Variants in PLEKHG1 observed in about 807,000 individuals in gnomAD.
The protein encoded by PLEKHG1 is pleckstrin homology and RhoGEF domain containing G1.
A neutral mutation model predicts 100.8 loss-of-function variants in PLEKHG1; 44 were observed. The observed-to-expected ratio is 0.44, with a 90% CI of 0.34 to 0.56. The LOEUF is 0.56. PLEKHG1 is among the 20% of genes least tolerant of loss of function. The pLI is 0.01. For missense variants in PLEKHG1, 1,545 were observed against 1,720.9 expected, an observed-to-expected ratio of 0.90 and a Z score of 1.81; for synonymous variants, 640 against 662.5, an observed-to-expected ratio of 0.97 and a Z score of 0.52.
rs1026925396 is a variant in PLEKHG1 at position 150,807,905 on chromosome 6, G to C, written c.913-1200G>C. Among the ~76,000 whole-genome samples the C allele has an allele frequency of 5.3e-5, 8 of 152,102 alleles. No homozygotes were observed. In the East Asian group the frequency reaches 1.2e-3, roughly 22 times the overall value. On this transcript the variant is annotated intron_variant, in intron 7 of 15. Transcript: ENST00000358517. ...AATCGCTTGAACCCAGGAGGGAGAG[G>C]TTGCAGTGAGCCGAGATTGTGCCAC...
chr6:150,697,108 A>AAAAG (rs71270304), intron 3 of PLEKHG1, among the ~76,000 whole-genome samples: 13 of 147,228 alleles, frequency 8.8e-5, no homozygotes, highest in East Asian at 2.0e-4. Context: ...AGAAAAAAAA[A>AAAAG]AAGAAGAAGA....
intron 3 of PLEKHG1, among the ~76,000 whole-genome samples, chr6:150,667,729 GA>G (rs1779450949): frequency 6.6e-6 from 1 of 152,178 alleles, no homozygotes; most frequent in African/African-American, 2.4e-5. Context: ...TATGCTGCTA[GA>G]GAACTTTTAG....
chr6:150,635,056 AC>A (rs1246842985), intron 1 of PLEKHG1, among the ~76,000 whole-genome samples: 1 of 152,236 alleles, frequency 6.6e-6, no homozygotes, highest in Non-Finnish European at 1.5e-5. Flanking sequence ...TAGAGCTATC[AC>A]CAGGAACCAA....
rs533287856 is a variant in PLEKHG1 at position 150,665,205 on chromosome 6, A to G, written c.-99+14419A>G. ...ACAATCTGTTTGCAGGTTGCAAGTTACTTAAATAAATTATCGCTCTTCTTG... is the reference window on the plus strand; with the variant it reads ...ACAATCTGTTTGCAGGTTGCAAGTTGCTTAAATAAATTATCGCTCTTCTTG... On this transcript the variant is annotated intron_variant, in intron 3 of 3. Transcript: ENST00000367326. Among the ~76,000 whole-genome samples, 27 of 152,206 alleles carry G rather than the reference A, an allele frequency of 1.8e-4. 1 individual carries two copies. The highest frequency in any genetic ancestry group is 2.8e-4 in the Non-Finnish European group (19 of 68,034).
In PLEKHG1 at chr6:150,821,187, T is replaced by C. The variant is rs1297469485; in HGVS notation, c.1409-8T>C. The C allele has an allele frequency of 6.2e-7, 1 of 1,611,884 alleles. No individual in the cohort carries two copies. Among genetic ancestry groups the C allele is most frequent in the Non-Finnish European group, 8.5e-7 (1 of 1,178,416 alleles). The stretch of plus-strand genomic sequence containing the variant: ...TGCCAATGATGCTGGCTTTGTTTTG[T>C]CTCCCAGAACCTTCCTCACGGTCAC... On this transcript the variant is annotated splice_polypyrimidine_tract_variant and splice_region_variant and intron_variant, in intron 12 of 15. Transcript: ENST00000358517.
chr6:150,640,476 C>G (rs966058058), intron 2 of PLEKHG1, among the ~76,000 whole-genome samples: 4 of 152,144 alleles, frequency 2.6e-5, no homozygotes, highest in African/African-American at 9.7e-5. Flanking sequence ...CTCATTCTTC[C>G]TGTATTTTCA....
intron 3 of PLEKHG1, among the ~76,000 whole-genome samples, chr6:150,714,029 T>A (rs1313270005): frequency 6.6e-6 from 1 of 152,248 alleles, no homozygotes; most frequent in Admixed American, 6.5e-5. Context: ...TTTCTTCCAG[T>A]ACATTTTTTA....
chr6:150,802,460 G>T (rs1333915763), intron 6 of PLEKHG1, among the ~76,000 whole-genome samples: 3 of 141,220 alleles, frequency 2.1e-5, no homozygotes, highest in African/African-American at 5.6e-5. Flanking sequence ...GAAAGTTTAA[G>T]ATCTCGGTTA....
intron 2 of PLEKHG1, among the ~76,000 whole-genome samples, chr6:150,759,641 G>A (rs781234319): frequency 3.3e-5 from 5 of 152,044 alleles, no homozygotes; most frequent in African/African-American, 4.8e-5. Context: ...CTAGGGTTGC[G>A]GTGAAGATGA....
At chr6:150,765,765 G>T (rs183540306) in intron 2 of PLEKHG1, among the ~76,000 whole-genome samples, 3 of 152,190 alleles carry the variant, frequency 2.0e-5, no homozygotes, top group African/African-American at 7.2e-5. Flanking sequence ...ATTTAAAAAA[G>T]AATACTAGAA....
intron 1 of PLEKHG1, among the ~76,000 whole-genome samples, chr6:150,611,811 CA>C (rs35351890): frequency 0.37 from 45,214 of 121,236 alleles, 7,289 homozygotes; most frequent in African/African-American, 0.45. Context: ...GACTCCATCT[CA>C]AAAAAAAAAA....
At chr6:150,782,590 G>A (rs944333422) in intron 3 of PLEKHG1, among the ~76,000 whole-genome samples, 5 of 152,176 alleles carry the variant, frequency 3.3e-5, no homozygotes, top group Non-Finnish European at 5.9e-5. Context: ...ATCTGTGTGC[G>A]ACTGGATTTT....
intron 3 of PLEKHG1, among the ~76,000 whole-genome samples, chr6:150,707,195 G>A (rs1395176439): frequency 6.6e-6 from 1 of 151,448 alleles, no homozygotes; most frequent in East Asian, 1.9e-4. Context: ...AGTAGAGACG[G>A]GTTTTGCCAT....
At chr6:150,624,180 G>A (rs62434097) in intron 1 of PLEKHG1, among the ~76,000 whole-genome samples, 11,408 of 152,198 alleles carry the variant, frequency 0.075, 534 homozygotes, top group Non-Finnish European at 0.1. Context: ...CTAACCTCCT[G>A]TTCCAGGTCT....
At chr6:150,810,860 G>A (rs907097279) in intron 10 of PLEKHG1, among the ~76,000 whole-genome samples, 9 of 152,018 alleles carry the variant, frequency 5.9e-5, no homozygotes, top group Admixed American at 3.3e-4. Context: ...GGCGGAGGTT[G>A]CAGTAAGCCG....
At chr6:150,750,445 G>A (rs1034361625) in intron 2 of PLEKHG1, among the ~76,000 whole-genome samples, 13 of 152,240 alleles carry the variant, frequency 8.5e-5, no homozygotes, top group Non-Finnish European at 1.8e-4. Context: ...TAGACGATCA[G>A]TGTTGAGATT....
intron 3 of PLEKHG1, among the ~76,000 whole-genome samples, chr6:150,704,560 C>T (rs1175504630): frequency 1.3e-5 from 2 of 152,250 alleles, no homozygotes; most frequent in South Asian, 2.1e-4. Flanking sequence ...TTGAGCTCTC[C>T]GTGGAGCACT....
rs546267992 is a variant in PLEKHG1, at chr6:150,677,305, C to T, written c.-99+26519C>T. ...CCCTATACACACACACACACACACG[C>T]GCGCGCGCACACACACCACCAGTTT... On this transcript the variant is annotated intron_variant, in intron 3 of 3. Coordinates refer to the PLEKHG1 transcript ENST00000367326. Among the ~76,000 whole-genome samples the T allele has an allele frequency of 2.4e-4, 34 of 144,200 alleles. No homozygotes were observed. The East Asian group carries it at 4.1e-3, about 17-fold the overall frequency. 94.6% of individuals were successfully genotyped at this position (144,200 alleles called of 152,430 possible).
chr6:150,813,810 G>A (rs1200848506), intron 10 of PLEKHG1, among the ~76,000 whole-genome samples: 1 of 152,104 alleles, frequency 6.6e-6, no homozygotes, highest in South Asian at 2.1e-4. Flanking sequence ...GGAGGAAAAG[G>A]TCATTAGAAA....
Sources: allele counts gnomAD v4.1 joint callset (sites outside exome capture counted in the v4.1 genomes callset), GRCh38; gene constraint gnomAD v4.1.1; transcripts MANE v1.5; gene names NCBI Gene and HGNC (gene_info 2026-07-23, HGNC 2026-07-21).